Variants in SGO1 observed in about 807,000 individuals in gnomAD.
SGO1 encodes serologically defined breast cancer antigen NY-BR-85.
In SGO1, 39 loss-of-function variants were observed where a neutral mutation model predicts 50.5. The observed-to-expected ratio is 0.77, with a 90% CI of 0.60 to 1.01. The LOEUF is 1.01. Among genes scored for constraint, SGO1 ranks in the 50% least tolerant of loss-of-function variants. The pLI is 0.00. For missense variants in SGO1, 638 were observed against 606.0 expected (o/e 1.05, Z -0.55); for synonymous variants, 191 against 205.1 (o/e 0.93, Z 0.59).
chr3:20,177,038 A>T (rs1701478407), intron 4 of SGO1, among the ~76,000 whole-genome samples: 1 of 152,176 alleles, frequency 6.6e-6, no homozygotes, highest in Admixed American at 6.5e-5. Flanking sequence ...CAGAGCTGTG[A>T]TTTGTTGGTA....
In SGO1 at chr3:20,169,709, T is replaced by G; in HGVS notation, c.*995A>C. Reference sequence around the variant, plus strand: ...AAAGTACATGACATTTGTAATTTTATGGAGACATCACTCTGAACATACAAT... The same window carrying G: ...AAAGTACATGACATTTGTAATTTTAGGGAGACATCACTCTGAACATACAAT... On this transcript the variant is annotated 3_prime_UTR_variant, in exon 8 of 8. Transcript: ENST00000412997. 1.1e-6 allele frequency: 1 copy of G among 901,994 alleles called. No homozygotes were observed. Among genetic ancestry groups the G allele is most frequent in the East Asian group, 1.2e-4 (1 of 8,406 alleles). The allele number at this position is 901,994 out of a possible 1,614,324, so 55.9% of individuals were successfully genotyped here. A position where few individuals can be genotyped will look rare whatever the true frequency, so the allele number is the denominator to read the frequency against.
chr3:20,177,097 T>G (rs1701485178), intron 4 of SGO1: 1 of 152,802 alleles, frequency 6.5e-6, no homozygotes, highest in African/African-American at 2.4e-5. Context: ...GAAGTTAACA[T>G]TGTTCATTTT....
chr3:20,161,368 G>A (rs1468781381), intron 8 of SGO1: 1 of 1,303,724 alleles, frequency 7.7e-7, no homozygotes, highest in African/African-American at 1.5e-5. Flanking sequence ...ACAATCAAAA[G>A]TCAGCAGATA....
chr3:20,175,162 C>G, intron 5 of SGO1, 107 bp from the exon 6 acceptor site: 3 of 1,139,466 alleles, frequency 2.6e-6, no homozygotes, highest in Non-Finnish European at 3.5e-6. Flanking sequence ...AAAGGTCATT[C>G]TGTAGTTTTC....
At chr3:20,176,707 A>G in intron 4 of SGO1, 48 bp from the exon 5 acceptor site, 1 of 1,231,416 alleles carries the variant, frequency 8.1e-7, no homozygotes, top group Non-Finnish European at 1.1e-6. Context: ...TATGTAATAA[A>G]AACAAATTCA....
intron 5 of SGO1, among the ~76,000 whole-genome samples, chr3:20,175,593 G>A (rs75532739): frequency 0.061 from 9,206 of 151,554 alleles, 728 homozygotes; most frequent in East Asian, 0.2. Flanking sequence ...TCAGGAGATC[G>A]AGACCATCCT....
intron 3 of SGO1, among the ~76,000 whole-genome samples, chr3:20,182,736 A>T (rs970926955): frequency 6.6e-6 from 1 of 152,102 alleles, no homozygotes; most frequent in Admixed American, 6.5e-5. Context: ...TAAAAATTTG[A>T]GGCCGGGCGC....
chr3:20,182,621 C>T (rs779745710), intron 3 of SGO1, among the ~76,000 whole-genome samples: 42 of 152,144 alleles, frequency 2.8e-4, no homozygotes, highest in Non-Finnish European at 4.9e-4. Flanking sequence ...TAGCCAGACA[C>T]AAAGAATATC....
chr3:20,162,840 G>A (rs1700110638), intron 8 of SGO1, among the ~76,000 whole-genome samples: 2 of 151,198 alleles, frequency 1.3e-5, no homozygotes, highest in South Asian at 4.2e-4. Context: ...AAAATACACT[G>A]GATAGGATTA....
intron 1 of SGO1, among the ~76,000 whole-genome samples, chr3:20,185,117 A>C (rs568907374): frequency 1.3e-5 from 2 of 152,360 alleles, no homozygotes; most frequent in Admixed American, 1.3e-4. Flanking sequence ...ATACCACTTA[A>C]GAACTTTCTT....
At chr3:20,168,921 T>C (rs1700458185), downstream of SGO1, 1 of 984,966 alleles carries the variant, frequency 1.0e-6, no homozygotes, top group African/African-American at 1.7e-5. Flanking sequence ...GTGTTAGTAG[T>C]TTCTCGTGCC....
intron 5 of SGO1, among the ~76,000 whole-genome samples, chr3:20,175,400 A>G (rs1701266778): frequency 6.6e-6 from 1 of 152,230 alleles, no homozygotes; most frequent in Non-Finnish European, 1.5e-5. Context: ...ATTAGGGATG[A>G]TGAACTGATA....
intron 5 of SGO1, among the ~76,000 whole-genome samples, chr3:20,175,328 TA>T (rs1701260111): frequency 6.6e-6 from 1 of 152,208 alleles, no homozygotes; most frequent in South Asian, 2.1e-4. Flanking sequence ...AAAACTTTTT[TA>T]GTGCAGTCAT....
chr3:20,174,765 A>C lies in SGO1; in HGVS notation c.766T>G (p.Ser256Ala). The C allele has an allele frequency of 6.2e-7, 1 of 1,614,004 alleles. No individual in the cohort carries two copies. Among genetic ancestry groups the C allele is most frequent in the Non-Finnish European group, 8.5e-7 (1 of 1,180,010 alleles). ...CQWSKDQVNL[S>A]PKLIQPGTFT... Reference sequence around the variant, plus strand: ...GTTCCTGGCTGAATCAGCTTTGGTGATAAGTTAACTTGGTCCTTGCTCCAT... The same window carrying C: ...GTTCCTGGCTGAATCAGCTTTGGTGCTAAGTTAACTTGGTCCTTGCTCCAT... Residue 256 changes from serine (S) to alanine (A), a missense_variant, in exon 6 of 8, where the codon TCA (serine) becomes GCA (alanine). Coordinates refer to ENST00000412997, the MANE Select transcript of SGO1 (RefSeq NM_001199251.3).
intron 3 of SGO1, among the ~76,000 whole-genome samples, chr3:20,181,580 T>C (rs1390152307): frequency 2.6e-5 from 4 of 152,234 alleles, no homozygotes; most frequent in African/African-American, 9.6e-5. Flanking sequence ...TCAAAAACTA[T>C]TGAGCTGCAG....
chr3:20,163,979 C>T (rs1183758967), intron 8 of SGO1, among the ~76,000 whole-genome samples: 5 of 152,084 alleles, frequency 3.3e-5, no homozygotes, highest in Non-Finnish European at 7.4e-5. Flanking sequence ...AGTCCTAGCA[C>T]AAATAGTCTC....
chr3:20,175,921 G>T lies in SGO1; in HGVS notation c.475+680C>A, dbSNP rs185519883. Among the ~76,000 whole-genome samples the T allele has an allele frequency of 7.2e-5, 11 of 152,292 alleles. No individual in the cohort carries two copies. The East Asian group carries it at 2.1e-3, about 29-fold the overall frequency. On this transcript the variant is annotated intron_variant, in intron 5 of 7. Coordinates refer to ENST00000412997, the MANE Select transcript of SGO1 (RefSeq NM_001199251.3). ...GCATATTCCAAAGTGGGACAAATGA[G>T]AAAGTGGGAGCTAAGTTGTTCTTTG...
At chr3:20,161,766 C>T (rs1700052026) in intron 8 of SGO1, among the ~76,000 whole-genome samples, 1 of 152,100 alleles carries the variant, frequency 6.6e-6, no homozygotes, top group East Asian at 1.9e-4. Flanking sequence ...TAATAAAAAG[C>T]ATGAATATTT....
At chr3:20,175,095 T>A (rs569901456) in intron 5 of SGO1, 40 bp from the exon 6 acceptor site, 1 of 1,364,082 alleles carries the variant, frequency 7.3e-7, no homozygotes. Flanking sequence ...TAGTTTTACT[T>A]TGTGGAAATT....
Sources: gnomAD v4.1 joint callset for allele counts (sites outside exome capture counted in the v4.1 genomes callset) on GRCh38, gnomAD v4.1.1 for gene constraint, MANE v1.5 for transcripts, NCBI Gene and HGNC (gene_info 2026-07-23, HGNC 2026-07-21) for gene names.